The following TRAF1 variants were observed in gnomAD, a reference collection of about 807,000 sequenced individuals.
TRAF1 encodes the protein TNF receptor-associated factor 1.
A neutral mutation model predicts 40.9 loss-of-function variants in TRAF1; 23 were observed. The observed-to-expected ratio is 0.56, with a 90% CI of 0.40 to 0.80. The LOEUF (loss-of-function observed/expected upper bound fraction) is 0.80. TRAF1 is among the 30% of genes least tolerant of loss of function. The probability of loss-of-function intolerance (pLI) is 0.00; values close to 1 mark genes in which losing one functional copy is unlikely to be tolerated. For missense variants in TRAF1, 477 were observed against 528.7 expected (o/e 0.90, Z 0.96); for synonymous variants, 206 against 218.8 (o/e 0.94, Z 0.52).
chr9:120,914,153 A>G, intron 4 of TRAF1, 82 bp downstream of exon 4: 1 of 1,241,918 alleles, frequency 8.1e-7, no homozygotes, highest in Middle Eastern at 2.1e-4. Context: ...TTACGGGAAA[A>G]TCATGGAGGG....
Position 120,911,437 on chromosome 9 carries a change from T to G in TRAF1, c.782A>C (p.Glu261Ala). ...GKLEQSLRLM[E>A]EASFDGTFLW... ...GAAAGTGCCATCGAAGGAGGCCTCC[T>G]CCATGAGGCGCAAGCTCTGCTCCAG... Residue 261 changes from glutamate to alanine, a missense_variant, in exon 6 of 8, where the codon GAG becomes GCG. Glu to Ala is a moderately radical substitution (Grantham distance 107). Coordinates refer to ENST00000373887, the MANE Select transcript of TRAF1 (RefSeq NM_005658.5). 7 of 1,613,598 alleles carry G rather than the reference T, an allele frequency of 4.3e-6. No homozygotes were observed. The highest frequency in any genetic ancestry group is 1.3e-5 in the African/African-American group (1 of 75,056).
chr9:120,913,821 C>A (rs754348476), intron 4 of TRAF1, 83 bp from the exon 5 acceptor site: 1 of 1,433,636 alleles, frequency 7.0e-7, no homozygotes, highest in South Asian at 1.4e-5. Context: ...TATCAAAGGT[C>A]ACCAAGGATT....
intron 3 of TRAF1, among the ~76,000 whole-genome samples, chr9:120,918,952 G>A (rs567580599): frequency 7.2e-5 from 11 of 152,314 alleles, no homozygotes; most frequent in East Asian, 5.8e-4. Flanking sequence ...TGGAGAAGCC[G>A]AAGCCCAGGG....
At chr9:120,920,932 A>G (rs1388250882) in intron 3 of TRAF1, among the ~76,000 whole-genome samples, 6 of 152,108 alleles carry the variant, frequency 3.9e-5, no homozygotes, top group Admixed American at 3.9e-4. Context: ...CTTTGGTCAA[A>G]AGTCCCCCAA....
At chr9:120,919,679 C>T (rs574018719) in intron 3 of TRAF1, among the ~76,000 whole-genome samples, 3 of 152,250 alleles carry the variant, frequency 2.0e-5, no homozygotes, top group East Asian at 1.9e-4. Flanking sequence ...GTAACTGGGC[C>T]GGTTTACTCT....
intron 6 of TRAF1, among the ~76,000 whole-genome samples, chr9:120,909,948 C>T (rs1268427601): frequency 6.6e-6 from 1 of 152,154 alleles, no homozygotes. Flanking sequence ...GGCTGGGGTC[C>T]CCTGGAGGCT....
chr9:120,918,228 G>C (rs1311757919), intron 3 of TRAF1, among the ~76,000 whole-genome samples: 1 of 152,054 alleles, frequency 6.6e-6, no homozygotes, highest in African/African-American at 2.4e-5. Context: ...AGCCATGTGA[G>C]GTCACATACT....
intron 7 of TRAF1, among the ~76,000 whole-genome samples, chr9:120,907,545 G>A (rs1247405584): frequency 1.3e-5 from 2 of 152,184 alleles, no homozygotes; most frequent in South Asian, 4.1e-4. Flanking sequence ...GTAAGATCCT[G>A]CCAAACTGTC....
rs769169524 is a variant in TRAF1, at chr9:120,913,612, GGGCCATGGGCCCAGACTCCA to G, written c.401_420del (p.Leu134ProfsTer49). The G allele has an allele frequency of 6.2e-7, 1 of 1,613,714 alleles. No individual in the cohort carries two copies. Among genetic ancestry groups the G allele is most frequent in the African/African-American group, 1.3e-5 (1 of 74,912 alleles). On this transcript the variant is annotated frameshift_variant, in exon 5 of 8. Transcript: ENST00000373887. LOFTEE classifies it high-confidence loss of function. ...TGCAGGTCTGACAGGTTCTGCTCCA[GGGCCATGGGCCCAGACTCCA>G]GGCCACAGCCCAGCCGGGCCTTCCA...
At position 120,904,069 on chromosome 9, in the gene TRAF1, T is replaced by C. The variant is rs1302022552; in HGVS notation, c.*951A>G. The C allele has an allele frequency of 6.6e-6, 1 of 152,226 alleles. No individual in the cohort carries two copies. Among genetic ancestry groups the C allele is most frequent in the African/African-American group, 2.4e-5 (1 of 41,456 alleles). 9.4% of individuals were successfully genotyped at this position (152,226 alleles called of 1,614,324 possible). On this transcript the variant is annotated 3_prime_UTR_variant, in exon 8 of 8. Transcript: ENST00000373887. ...AGTGGATGCCTCAGTTAATCAGGTG[T>C]TACGGGATTCTGGAAAGCACCAAAG...
At chr9:120,916,617 A>C (rs892754165) in intron 3 of TRAF1, among the ~76,000 whole-genome samples, 1 of 152,174 alleles carries the variant, frequency 6.6e-6, no homozygotes, top group African/African-American at 2.4e-5. Flanking sequence ...ATAACCAGAG[A>C]GCTGTGGGCT....
intron 2 of TRAF1, 43 bp from the exon 3 acceptor site, chr9:120,923,835 T>A: frequency 1.3e-6 from 2 of 1,562,372 alleles, no homozygotes; most frequent in Non-Finnish European, 1.8e-6. Context: ...GCACTACAGC[T>A]CCCTGCACCA....
At chr9:120,914,336 G>A (rs376212075) in intron 3 of TRAF1, 36 bp from the exon 4 acceptor site, 129 of 1,419,718 alleles carry the variant, frequency 9.1e-5, no homozygotes, top group Middle Eastern at 2.3e-4. Flanking sequence ...ATGTTATAGC[G>A]ATCCCTGTGG....
Position 120,909,241 on chromosome 9 carries a change from A to T in TRAF1, c.1021T>A (p.Phe341Ile). 2 of 1,613,984 alleles carry T rather than the reference A, an allele frequency of 1.2e-6. No homozygotes were observed. The highest frequency in any genetic ancestry group is 1.7e-6 in the Non-Finnish European group (2 of 1,179,998). ...GEYDALLPWPFRNKVTFMLLD... is the reference protein window; with the variant it reads ...GEYDALLPWPIRNKVTFMLLD... ...CTTCACACCCATACCTTGTTCCGGA[A>T]GGGCCACGGCAGCAGCGCATCATAC... The change falls in exon 7 of 8, where the codon TTC becomes ATC. Residue 341 changes from phenylalanine to isoleucine, a missense_variant. Coordinates refer to ENST00000373887, the MANE Select transcript of TRAF1 (RefSeq NM_005658.5).
Position 120,913,640 on chromosome 9 carries a change from G to A in TRAF1, c.393C>T (p.Gly131=). The change falls in exon 5 of 8, where the codon GGC becomes GGT. Residue 131 remains glycine, a synonymous_variant. Coordinates refer to ENST00000373887, the MANE Select transcript of TRAF1 (RefSeq NM_005658.5). ...GFMKQWKARL[G]CGLESGPMAL... is the part of the protein sequence containing the mutation. Reference sequence around the variant, plus strand: ...CCATGGGCCCAGACTCCAGGCCACAGCCCAGCCGGGCCTTCCACTGTTTCA... The same window carrying A: ...CCATGGGCCCAGACTCCAGGCCACAACCCAGCCGGGCCTTCCACTGTTTCA... The A allele has an allele frequency of 2.5e-6, 4 of 1,613,526 alleles. No homozygotes were observed. The highest frequency in any genetic ancestry group is 1.7e-6 in the Non-Finnish European group (2 of 1,179,794).
chr9:120,921,167 C>T (rs1174557326), intron 3 of TRAF1, among the ~76,000 whole-genome samples: 1 of 152,156 alleles, frequency 6.6e-6, no homozygotes, highest in East Asian at 1.9e-4. Flanking sequence ...CAGGCAGCTT[C>T]CTCTCCCATC....
chr9:120,915,482 G>C (rs2046563240), intron 3 of TRAF1, among the ~76,000 whole-genome samples: 1 of 152,142 alleles, frequency 6.6e-6, no homozygotes, highest in South Asian at 2.1e-4. Context: ...ATAAAGGCTT[G>C]TATCCAGAAT....
chr9:120,924,212 C>T (rs1467759413), intron 2 of TRAF1, among the ~76,000 whole-genome samples: 1 of 152,158 alleles, frequency 6.6e-6, no homozygotes, highest in Non-Finnish European at 1.5e-5. Flanking sequence ...CAAAAGATTG[C>T]TGACATGTGA....
chr9:120,913,754 G>A lies in TRAF1; in HGVS notation c.295-16C>T, dbSNP rs373726738. The A allele has an allele frequency of 1.2e-5, 19 of 1,539,714 alleles. No individual in the cohort carries two copies. In the African/African-American group the frequency reaches 1.6e-4, roughly 13 times the overall value. Reference sequence around the variant, plus strand: ...GTGGGCTTCCCTGACAAGAGAGTGGGGCTGATCAGTGAAAACAGAGGTGGA... The same window carrying A: ...GTGGGCTTCCCTGACAAGAGAGTGGAGCTGATCAGTGAAAACAGAGGTGGA... On this transcript the variant is annotated splice_polypyrimidine_tract_variant and intron_variant, in intron 4 of 7. Transcript: ENST00000373887.
Sources: gnomAD v4.1 joint callset for allele counts (sites outside exome capture counted in the v4.1 genomes callset) on GRCh38, gnomAD v4.1.1 for gene constraint, MANE v1.5 for transcripts, NCBI Gene and HGNC (gene_info 2026-07-23, HGNC 2026-07-21) for gene names.